Variants in NF1 observed in about 807,000 individuals in gnomAD.
NF1 encodes the protein neurofibromin 1, also known as neurofibromin.
NF1 carries 122 observed loss-of-function variants against 325.7 expected under a neutral mutation model. That is an observed-to-expected ratio of 0.37 (90% CI 0.32 to 0.44). The LOEUF is 0.44. NF1 is among the 20% of genes least tolerant of loss of function. NF1 has a pLI of 1.00. For missense variants in NF1, 2,140 were observed against 3,415.4 expected, an observed-to-expected ratio of 0.63 and a Z score of 9.31; for synonymous variants, 1,091 against 1,186.0, an observed-to-expected ratio of 0.92 and a Z score of 1.65.
intron 1 of NF1, among the ~76,000 whole-genome samples, chr17:31,150,660 A>G (rs1014401547): frequency 6.6e-6 from 1 of 152,172 alleles, no homozygotes; most frequent in East Asian, 1.9e-4. Flanking sequence ...TATTGTATCT[A>G]TATTATCAAG....
In NF1 at chr17:31,163,311, C is replaced by T. The variant is rs1597635949; in HGVS notation, c.414C>T (p.Ala138=). Residue 138 remains alanine (A), a synonymous_variant, in exon 4 of 58, where the codon GCC becomes GCT. Coordinates refer to ENST00000358273, the MANE Select transcript of NF1 (RefSeq NM_001042492.3). The part of the protein sequence containing the change: ...NQHAAELRNS[A]SGVLFSLSCN... ...ATGCAGCTGAACTTCGGAATTCTGC[C>T]TCTGGGGTTTTATTTTCTCTCAGCT... 6.2e-7 allele frequency: 1 copy of T among 1,614,144 alleles called. No individual in the cohort carries two copies.
intron 16 of NF1, among the ~76,000 whole-genome samples, chr17:31,224,203 T>G (rs543676683): frequency 6.6e-6 from 1 of 152,318 alleles, no homozygotes; most frequent in South Asian, 2.1e-4. Flanking sequence ...GTGAAATGTT[T>G]TGATTCTGAA....
At chr17:31,214,231 A>T (rs1293108540) in intron 12 of NF1, among the ~76,000 whole-genome samples, 2 of 144,124 alleles carry the variant, frequency 1.4e-5, no homozygotes, top group African/African-American at 5.3e-5. Flanking sequence ...TAGATTGATA[A>T]AAAAAAATAT....
At chr17:31,280,465 C>T (rs1254616013) in intron 36 of NF1, among the ~76,000 whole-genome samples, 5 of 140,694 alleles carry the variant, frequency 3.6e-5, no homozygotes, top group Non-Finnish European at 6.0e-5. Context: ...TGCAGTGAAC[C>T]GGGATCGCGC....
At chr17:31,211,820 AGT>A (rs918901216) in intron 12 of NF1, among the ~76,000 whole-genome samples, 9 of 152,336 alleles carry the variant, frequency 5.9e-5, no homozygotes, top group Admixed American at 5.9e-4. Flanking sequence ...TCATTGAGTG[AGT>A]GTTGAGTGCA....
At chr17:31,221,219 A>C (rs2066915758) in intron 14 of NF1, among the ~76,000 whole-genome samples, 1 of 151,930 alleles carries the variant, frequency 6.6e-6, no homozygotes, top group African/African-American at 2.4e-5. Context: ...ATAATAATCT[A>C]TTTATATGTT....
intron 1 of NF1, among the ~76,000 whole-genome samples, chr17:31,116,476 C>G (rs578185304): frequency 6.5e-4 from 99 of 152,044 alleles, no homozygotes; most frequent in African/African-American, 2.2e-3. Context: ...CTAACTAGGA[C>G]CTGTCTAACC....
At chr17:31,285,856 G>T (rs185728625) in intron 36 of NF1, among the ~76,000 whole-genome samples, 1 of 152,148 alleles carries the variant, frequency 6.6e-6, no homozygotes, top group East Asian at 1.9e-4. Context: ...CTAGCTCTTA[G>T]TGGTATTTGA....
At chr17:31,189,548 C>T (rs887825812) in intron 8 of NF1, among the ~76,000 whole-genome samples, 14 of 152,110 alleles carry the variant, frequency 9.2e-5, no homozygotes, top group African/African-American at 3.1e-4. Context: ...TCGCCTCACT[C>T]GCAGCCCTTG....
chr17:31,357,231 TA>T, intron 53 of NF1, 37 bp from the exon 54 acceptor site: 1 of 1,602,564 alleles, frequency 6.2e-7, no homozygotes, highest in Non-Finnish European at 8.5e-7. Flanking sequence ...AGCCACAAAG[TA>T]AAAATGTTGT....
intron 55 of NF1, 117 bp downstream of exon 55, chr17:31,358,739 C>A: frequency 7.2e-7 from 1 of 1,394,312 alleles, no homozygotes; most frequent in Non-Finnish European, 1.0e-6. Flanking sequence ...ACTTTTATTT[C>A]CATATTCCAT....
chr17:31,243,821 G>T (rs1249053362), intron 29 of NF1, among the ~76,000 whole-genome samples: 1 of 151,812 alleles, frequency 6.6e-6, no homozygotes, highest in African/African-American at 2.4e-5. Flanking sequence ...TGTCAAGCTG[G>T]TACCCAAGTT....
At chr17:31,166,357 G>T (rs2065844640) in intron 4 of NF1, among the ~76,000 whole-genome samples, 1 of 151,946 alleles carries the variant, frequency 6.6e-6, no homozygotes, top group African/African-American at 2.4e-5. Flanking sequence ...TGATTTGTTT[G>T]TGCTGATTCA....
chr17:31,140,950 G>A (rs1916165012), intron 1 of NF1, among the ~76,000 whole-genome samples: 2 of 152,168 alleles, frequency 1.3e-5, no homozygotes, highest in Non-Finnish European at 2.9e-5. Context: ...TTGGGCAGGA[G>A]GAGGAAGGAA....
rs555590503 is a variant in NF1 at position 31,225,668 on chromosome 17, TAA to T, written c.2001+419_2001+420del. 1.9e-3 allele frequency among the ~76,000 whole-genome samples: 296 copies of T among 152,330 alleles called. 1 individual carries two copies. The highest frequency in any genetic ancestry group is 0.014 in the Middle Eastern group (4 of 294). Reference sequence around the variant, plus strand: ...AAAGTATTTTGCTTCATGTTAAAGATAAGTGTTTCTGTGATTTGTGTTTGTGT... The same window carrying T: ...AAAGTATTTTGCTTCATGTTAAAGATGTGTTTCTGTGATTTGTGTTTGTGT... On this transcript the variant is annotated intron_variant, in intron 17 of 57. Transcript: ENST00000358273.
rs1597710853 is a variant in NF1, at chr17:31,225,250, G to A, written c.2001G>A (p.Met667Ile). The A allele has an allele frequency of 6.2e-7, 1 of 1,613,232 alleles. No individual in the cohort carries two copies. Among genetic ancestry groups the A allele is most frequent in the South Asian group, 1.1e-5 (1 of 91,048 alleles). Residue 667 changes from methionine (M) to isoleucine (I), a missense_variant and splice_region_variant, in exon 17 of 58, where the codon ATG becomes ATA. Physicochemically the swap from Met to Ile is conservative, Grantham distance 10. Coordinates refer to ENST00000358273, the MANE Select transcript of NF1 (RefSeq NM_001042492.3). ...SLRKGKGNSS[M>I]DSAAGCSGTP... ...GGAAGGGAAAAGGGAACTCCTCTAT[G>A]GTCAGCTTCTTCTGTACTTTTTCTG...
chr17:31,318,874 A>G (rs2069100752), intron 36 of NF1: 2 of 1,614,082 alleles, frequency 1.2e-6, no homozygotes, highest in Non-Finnish European at 1.7e-6. Flanking sequence ...CTTGTTTTGA[A>G]TAACTGAATC....
chr17:31,145,279 G>A (rs1221382007), intron 1 of NF1, among the ~76,000 whole-genome samples: 1 of 152,108 alleles, frequency 6.6e-6, no homozygotes, highest in Non-Finnish European at 1.5e-5. Flanking sequence ...TGCAACCTCC[G>A]CCTCCCGGGT....
At chr17:31,190,461 GTTGT>G (rs1389235244) in intron 8 of NF1, among the ~76,000 whole-genome samples, 3 of 152,022 alleles carry the variant, frequency 2.0e-5, no homozygotes, top group African/African-American at 7.2e-5. Flanking sequence ...ACTCTGCATC[GTTGT>G]TTATCTAAGA....
Sources: gnomAD v4.1 joint callset for allele counts (sites outside exome capture counted in the v4.1 genomes callset) on GRCh38, gnomAD v4.1.1 for gene constraint, MANE v1.5 for transcripts, NCBI Gene and HGNC (gene_info 2026-07-23, HGNC 2026-07-21) for gene names.